The following BMAL2 variants were observed in gnomAD, a reference collection of about 807,000 sequenced individuals.
BMAL2 encodes basic helix-loop-helix ARNT like 2, also known as basic helix-loop-helix ARNT-like protein 2.
At chr12:27,389,063 A>C in the BMAL2 span, 1 of 775,086 alleles carries the variant, frequency 1.3e-6, no homozygotes. Flanking sequence ...TCGTGGACAT[A>C]TCTTTGAGCT....
the BMAL2 span, among the ~76,000 whole-genome samples, chr12:27,335,756 T>G: frequency 7.3e-6 from 1 of 137,196 alleles, no homozygotes; most frequent in South Asian, 2.3e-4. Context: ...AGAGGAGGTG[T>G]GAAGTAAAGA....
chr12:27,386,058 T>C, the BMAL2 span, among the ~76,000 whole-genome samples: 1 of 152,164 alleles, frequency 6.6e-6, no homozygotes, highest in Non-Finnish European at 1.5e-5. Flanking sequence ...AGGTGATAAA[T>C]GTCTTGGTCA....
the BMAL2 span, among the ~76,000 whole-genome samples, chr12:27,405,974 A>G: frequency 1.3e-5 from 2 of 152,246 alleles, no homozygotes; most frequent in East Asian, 1.9e-4. Context: ...AATTCGATCA[A>G]CTGGAAGAAA....
At chr12:27,392,081 CTG>C in the BMAL2 span, among the ~76,000 whole-genome samples, 4 of 152,182 alleles carry the variant, frequency 2.6e-5, no homozygotes, top group Non-Finnish European at 5.9e-5. Flanking sequence ...TCACAGGACT[CTG>C]TGGTTTAGCA....
chr12:27,404,249 A>G, the BMAL2 span, among the ~76,000 whole-genome samples: 4 of 150,262 alleles, frequency 2.7e-5, no homozygotes, highest in African/African-American at 9.7e-5. Context: ...GATTATACTA[A>G]TCACATTAAA....
chr12:27,414,340 A>G, the BMAL2 span, among the ~76,000 whole-genome samples: 1 of 152,212 alleles, frequency 6.6e-6, no homozygotes, highest in African/African-American at 2.4e-5. Context: ...ATCTGATGGC[A>G]GCAGAATACA....
At chr12:27,391,294 T>A in the BMAL2 span, among the ~76,000 whole-genome samples, 1 of 152,210 alleles carries the variant, frequency 6.6e-6, no homozygotes, top group African/African-American at 2.4e-5. Context: ...CATGTGGTAT[T>A]TGGTTTTCTG....
the BMAL2 span, chr12:27,368,416 AG>A: frequency 6.2e-7 from 1 of 1,613,944 alleles, no homozygotes. Context: ...CATCCCAGTA[AG>A]TGAATTTGGT....
At chr12:27,376,282 CTCTA>C in the BMAL2 span, 4 of 1,406,854 alleles carry the variant, frequency 2.8e-6, no homozygotes, top group Non-Finnish European at 4.0e-6. Flanking sequence ...ACATCTATTT[CTCTA>C]TCAAGAACTA....
chr12:27,391,868 A>G, the BMAL2 span, among the ~76,000 whole-genome samples: 2 of 152,302 alleles, frequency 1.3e-5, no homozygotes, highest in East Asian at 3.9e-4. Flanking sequence ...CTCTTGCCCA[A>G]GGCTCTGAGT....
the BMAL2 span, among the ~76,000 whole-genome samples, chr12:27,399,828 C>T: frequency 6.6e-6 from 1 of 152,060 alleles, no homozygotes; most frequent in African/African-American, 2.4e-5. Flanking sequence ...ATTGTTTATG[C>T]CCGTATTGGA....
chr12:27,334,668 A>G, the BMAL2 span, among the ~76,000 whole-genome samples: 2 of 152,256 alleles, frequency 1.3e-5, no homozygotes, highest in Non-Finnish European at 2.9e-5. Flanking sequence ...AATGCTATTT[A>G]TCTAACTATT....
chr12:27,416,036 C>A, the BMAL2 span: 3 of 903,336 alleles, frequency 3.3e-6, no homozygotes, highest in Admixed American at 2.8e-5. Context: ...GAAAAGAAGC[C>A]ATTCTGTCAA....
the BMAL2 span, among the ~76,000 whole-genome samples, chr12:27,333,491 A>G: frequency 9.2e-5 from 14 of 152,386 alleles, no homozygotes; most frequent in Admixed American, 5.2e-4. Context: ...CATGGCATGC[A>G]CTGCTGCGGG....
the BMAL2 span, among the ~76,000 whole-genome samples, chr12:27,418,885 A>C: frequency 3.9e-5 from 6 of 152,116 alleles, no homozygotes; most frequent in Admixed American, 2.0e-4. Flanking sequence ...AGGCTGAGAC[A>C]GGAAAATCGC....
At chr12:27,370,900 G>A in the BMAL2 span, among the ~76,000 whole-genome samples, 5 of 151,946 alleles carry the variant, frequency 3.3e-5, no homozygotes, top group African/African-American at 7.3e-5. Flanking sequence ...CACCGCACCC[G>A]GCTGGAGAGC....
chr12:27,378,625 C>G, the BMAL2 span, among the ~76,000 whole-genome samples: 2 of 152,090 alleles, frequency 1.3e-5, no homozygotes, highest in Non-Finnish European at 2.9e-5. Context: ...CAGGGAGAAC[C>G]CTGGCCTATA....
chr12:27,401,848 T>G, the BMAL2 span, among the ~76,000 whole-genome samples: 2 of 152,256 alleles, frequency 1.3e-5, no homozygotes, highest in African/African-American at 4.8e-5. Flanking sequence ...GTTCTCAGAA[T>G]TAAGCTAAAA....
the BMAL2 span, chr12:27,368,253 T>A: frequency 3.7e-6 from 6 of 1,613,928 alleles, no homozygotes; most frequent in Non-Finnish European, 5.1e-6. Context: ...TGTACTCTGC[T>A]GCCCATAGGT....
Sources: gnomAD v4.1 joint callset for allele counts (sites outside exome capture counted in the v4.1 genomes callset) on GRCh38, gnomAD v4.1.1 for gene constraint, MANE v1.5 for transcripts, NCBI Gene and HGNC (gene_info 2026-07-23, HGNC 2026-07-21) for gene names.